Variants in DRC11 observed in about 807,000 individuals in gnomAD.
DRC11 encodes the protein dynein regulatory complex subunit 11.
At chr2:236,497,537 G>C in the DRC11 span, 4,145 of 1,382,850 alleles carry the variant, frequency 3.0e-3, 94 homozygotes, top group African/African-American at 0.051. This position sits in a 1 kb window ranked among gnomAD's most constrained non-coding sequence, Gnocchi z 5.1. Flanking sequence ...AAATCACTTG[G>C]TAAAACATAA....
At chr2:236,313,605 T>C in the DRC11 span, among the ~76,000 whole-genome samples, 4 of 152,170 alleles carry the variant, frequency 2.6e-5, no homozygotes, top group African/African-American at 2.4e-5. The surrounding 1 kb of genome is among the most constrained non-coding windows in gnomAD (Gnocchi z 4.5). Flanking sequence ...AAAACCTGTA[T>C]AGAAATCCTC....
the DRC11 span, among the ~76,000 whole-genome samples, chr2:236,364,531 G>T: frequency 1.3e-5 from 2 of 152,100 alleles, no homozygotes; most frequent in Non-Finnish European, 2.9e-5. Context: ...GTCAGTAGCG[G>T]CAGAGTTAAC....
chr2:236,484,522 T>C, the DRC11 span, among the ~76,000 whole-genome samples: 1 of 152,100 alleles, frequency 6.6e-6, no homozygotes, highest in Non-Finnish European at 1.5e-5. Flanking sequence ...TAATTATTTA[T>C]GGGCACCAAT....
At chr2:236,441,498 G>A in the DRC11 span, among the ~76,000 whole-genome samples, 1 of 151,986 alleles carries the variant, frequency 6.6e-6, no homozygotes, top group African/African-American at 2.4e-5. Context: ...GAAGGATGGA[G>A]TTGTGGAAAT....
At chr2:236,506,878 A>G in the DRC11 span, among the ~76,000 whole-genome samples, 40,997 of 152,156 alleles carry the variant, frequency 0.27, 10,614 homozygotes, top group African/African-American at 0.67. This position sits in a 1 kb window ranked among gnomAD's most constrained non-coding sequence, Gnocchi z 4.9. Flanking sequence ...TTCAGGACCT[A>G]GGTGTTTCCA....
At chr2:236,348,837 G>A in the DRC11 span, among the ~76,000 whole-genome samples, 2 of 152,126 alleles carry the variant, frequency 1.3e-5, no homozygotes. The surrounding 1 kb of genome is among the most constrained non-coding windows in gnomAD (Gnocchi z 7.4). Flanking sequence ...TGGTTTCTCT[G>A]CACTCTCTCA....
chr2:236,475,954 T>G, the DRC11 span, among the ~76,000 whole-genome samples: 28,601 of 152,166 alleles, frequency 0.19, 2,987 homozygotes, highest in Middle Eastern at 0.27. This position sits in a 1 kb window ranked among gnomAD's most constrained non-coding sequence, Gnocchi z 4.8. Flanking sequence ...GCCAGTATCA[T>G]GCTGTTTTGG....
chr2:236,501,558 C>A, the DRC11 span, among the ~76,000 whole-genome samples: 1 of 152,072 alleles, frequency 6.6e-6, no homozygotes, highest in Non-Finnish European at 1.5e-5. Context: ...TTGAGATGAT[C>A]AAGGGAATGG....
chr2:236,435,383 T>C, the DRC11 span, among the ~76,000 whole-genome samples: 1 of 152,240 alleles, frequency 6.6e-6, no homozygotes, highest in Non-Finnish European at 1.5e-5. Flanking sequence ...TGAAGTGTGA[T>C]TGGAACACAG....
At chr2:236,451,892 A>G in the DRC11 span, among the ~76,000 whole-genome samples, 2 of 152,226 alleles carry the variant, frequency 1.3e-5, no homozygotes, top group Admixed American at 6.5e-5. Flanking sequence ...GAATGGTGCA[A>G]TTGAACTAGC....
the DRC11 span, among the ~76,000 whole-genome samples, chr2:236,416,766 T>TAA: frequency 2.6e-4 from 27 of 104,404 alleles, 2 homozygotes; most frequent in South Asian, 4.9e-3. Flanking sequence ...TATATATATA[T>TAA]ATAAATAATT....
chr2:236,330,467 T>G, the DRC11 span, among the ~76,000 whole-genome samples: 1 of 152,218 alleles, frequency 6.6e-6, no homozygotes, highest in Non-Finnish European at 1.5e-5. The surrounding 1 kb of genome is among the most constrained non-coding windows in gnomAD (Gnocchi z 5.5). Context: ...AAATCATTAT[T>G]ATGACTATTT....
chr2:236,335,844 G>A, the DRC11 span, among the ~76,000 whole-genome samples: 1 of 152,214 alleles, frequency 6.6e-6, no homozygotes, highest in Admixed American at 6.5e-5. The surrounding 1 kb of genome is among the most constrained non-coding windows in gnomAD (Gnocchi z 5.6). Flanking sequence ...GGCATTGGCT[G>A]TGTGGGCTGC....
chr2:236,359,054 T>C, the DRC11 span, among the ~76,000 whole-genome samples: 3 of 151,584 alleles, frequency 2.0e-5, no homozygotes, highest in South Asian at 2.1e-4. This position sits in a 1 kb window ranked among gnomAD's most constrained non-coding sequence, Gnocchi z 4.3. Flanking sequence ...CCTCCAGACC[T>C]CTCATTAGAC....
At chr2:236,313,545 G>A in the DRC11 span, among the ~76,000 whole-genome samples, 1 of 152,102 alleles carries the variant, frequency 6.6e-6, no homozygotes, top group African/African-American at 2.4e-5. The surrounding 1 kb of genome is among the most constrained non-coding windows in gnomAD (Gnocchi z 4.5). Flanking sequence ...ACTAGCAATT[G>A]CACTCTTGGG....
the DRC11 span, among the ~76,000 whole-genome samples, chr2:236,372,907 C>T: frequency 2.0e-5 from 3 of 152,114 alleles, no homozygotes; most frequent in Admixed American, 1.3e-4. The surrounding 1 kb of genome is among the most constrained non-coding windows in gnomAD (Gnocchi z 4.5). Context: ...CCACTGTGGC[C>T]GGCCAAAATT....
chr2:236,395,848 C>T, the DRC11 span, among the ~76,000 whole-genome samples: 53,248 of 151,934 alleles, frequency 0.35, 9,684 homozygotes, highest in Non-Finnish European at 0.4. Flanking sequence ...TTGTTAGTAA[C>T]GGGAAGCTAC....
At chr2:236,438,487 T>C in the DRC11 span, among the ~76,000 whole-genome samples, 13 of 150,946 alleles carry the variant, frequency 8.6e-5, no homozygotes, top group Admixed American at 3.3e-4. Flanking sequence ...AAGAAAGTCA[T>C]TGGTAGCTTG....
At chr2:236,319,108 G>A in the DRC11 span, among the ~76,000 whole-genome samples, 1 of 152,230 alleles carries the variant, frequency 6.6e-6, no homozygotes, top group South Asian at 2.1e-4. The surrounding 1 kb of genome is among the most constrained non-coding windows in gnomAD (Gnocchi z 6.7). Flanking sequence ...GGACCCTTCT[G>A]CCATGCCCCT....
Sources: allele counts gnomAD v4.1 joint callset (sites outside exome capture counted in the v4.1 genomes callset), GRCh38; gene constraint gnomAD v4.1.1; non-coding constraint Gnocchi (gnomAD v3.1); transcripts MANE v1.5; gene names NCBI Gene and HGNC (gene_info 2026-07-23, HGNC 2026-07-21).